Variants in MCTP1 observed in about 807,000 individuals in gnomAD.
The protein encoded by MCTP1 is multiple C2 and transmembrane domain-containing protein 1.
Under a neutral mutation model 120.6 loss-of-function variants are expected in MCTP1, and 69 were observed. The ratio of observed to expected loss-of-function variants is 0.57; its 90% CI spans 0.47 to 0.70. The LOEUF is 0.70. Among genes scored for constraint, MCTP1 ranks in the 30% least tolerant of loss-of-function variants. The probability of loss-of-function intolerance (pLI) is 0.00; values close to 1 mark genes in which losing one functional copy is unlikely to be tolerated. For synonymous variants in MCTP1, 529 were observed against 493.1 expected, an observed-to-expected ratio of 1.07 and a Z score of -0.96; for missense variants, 1,203 against 1,248.8, an observed-to-expected ratio of 0.96 and a Z score of 0.55.
intron 10 of MCTP1, among the ~76,000 whole-genome samples, chr5:94,899,967 T>C (rs1330037332): frequency 6.6e-6 from 1 of 152,206 alleles, no homozygotes; most frequent in Non-Finnish European, 1.5e-5. Context: ...AAACCATTGC[T>C]ACAGTCCAAC....
At chr5:94,913,043 C>T in intron 8 of MCTP1, 67 bp from the exon 9 acceptor site, 1 of 1,189,446 alleles carries the variant, frequency 8.4e-7, no homozygotes, top group Non-Finnish European at 1.2e-6. Context: ...TTTGGCGTTA[C>T]CTTTTCTCCT....
At chr5:94,829,361 T>G (rs1787998472) in intron 17 of MCTP1, among the ~76,000 whole-genome samples, 1 of 152,294 alleles carries the variant, frequency 6.6e-6, no homozygotes, top group East Asian at 1.9e-4. Context: ...AGAAATCACC[T>G]GCCTTCTGCG....
At chr5:94,746,577 A>G (rs1447578016) in intron 19 of MCTP1, among the ~76,000 whole-genome samples, 4 of 152,256 alleles carry the variant, frequency 2.6e-5, no homozygotes, top group Admixed American at 6.5e-5. Flanking sequence ...AAAGGGGAAT[A>G]AGAACAAATA....
At chr5:95,072,670 A>C (rs1006799443) in intron 1 of MCTP1, among the ~76,000 whole-genome samples, 1 of 152,052 alleles carries the variant, frequency 6.6e-6, no homozygotes, top group Admixed American at 6.6e-5. Flanking sequence ...TCTCAAAGTC[A>C]CAATATATGT....
intron 1 of MCTP1, among the ~76,000 whole-genome samples, chr5:95,220,935 C>A (rs931501574): frequency 2.0e-5 from 3 of 152,096 alleles, no homozygotes; most frequent in African/African-American, 7.2e-5. Flanking sequence ...ACAGATGGTA[C>A]TAAATTGAGA....
intron 2 of MCTP1, among the ~76,000 whole-genome samples, chr5:94,970,166 G>GAGT (rs1409592423): frequency 2.0e-5 from 3 of 151,920 alleles, no homozygotes; most frequent in Non-Finnish European, 4.4e-5. Context: ...ATTTCCTGAA[G>GAGT]AGTAGTAGAA....
At position 95,020,088 on chromosome 5, in the gene MCTP1, C is replaced by G. The variant is rs969241476; in HGVS notation, c.721-2604G>C. Among the ~76,000 whole-genome samples the G allele has an allele frequency of 2.6e-5, 4 of 152,002 alleles. No homozygotes were observed. The East Asian group carries it at 7.7e-4, about 29-fold the overall frequency. ...TACTTCGTAAAAAATGGAATAAAAT[C>G]TGCAGGAAAAGGAGAATTTTCTACA... is the stretch of plus-strand genomic sequence containing the variant. On this transcript the variant is annotated intron_variant, in intron 1 of 22. Transcript: ENST00000515393.
At chr5:95,256,577 T>C (rs1044045053) in intron 1 of MCTP1, among the ~76,000 whole-genome samples, 3 of 152,228 alleles carry the variant, frequency 2.0e-5, no homozygotes, top group African/African-American at 7.2e-5. Context: ...TGCCAAACCC[T>C]GGGTTGCCTA....
At chr5:94,709,220 G>T (rs1184693608) in intron 21 of MCTP1, 7 of 152,078 alleles carry the variant, frequency 4.6e-5, no homozygotes, top group Non-Finnish European at 7.4e-5. Context: ...CCTCTTCAGG[G>T]AGTTCATGCA....
intron 1 of MCTP1, among the ~76,000 whole-genome samples, chr5:95,142,355 G>A (rs1414741088): frequency 2.6e-5 from 4 of 152,090 alleles, no homozygotes; most frequent in Non-Finnish European, 4.4e-5. Flanking sequence ...AAAGCTAACA[G>A]GAAACTTTTT....
intron 1 of MCTP1, among the ~76,000 whole-genome samples, chr5:95,053,217 G>A (rs932270237): frequency 2.6e-5 from 4 of 152,146 alleles, no homozygotes; most frequent in Non-Finnish European, 4.4e-5. Flanking sequence ...TGAAGCATGA[G>A]CTCTTTTCAT....
At chr5:95,106,891 C>G (rs2152381845) in intron 1 of MCTP1, among the ~76,000 whole-genome samples, 1 of 152,222 alleles carries the variant, frequency 6.6e-6, no homozygotes, top group South Asian at 2.1e-4. Context: ...GCTTAGAGAA[C>G]ATAAAACTGG....
intron 1 of MCTP1, among the ~76,000 whole-genome samples, chr5:95,241,254 T>C (rs1241077131): frequency 6.6e-6 from 1 of 152,188 alleles, no homozygotes; most frequent in Non-Finnish European, 1.5e-5. Flanking sequence ...ATCCAAAACA[T>C]TGACATCAGT....
chr5:94,751,413 A>G (rs1328107294), intron 19 of MCTP1, among the ~76,000 whole-genome samples: 2 of 151,280 alleles, frequency 1.3e-5, no homozygotes, highest in African/African-American at 4.9e-5. Flanking sequence ...GGGTGGAGAC[A>G]GGGGGTGAGG....
intron 1 of MCTP1, among the ~76,000 whole-genome samples, chr5:95,251,094 C>T (rs116601384): frequency 6.6e-6 from 1 of 152,126 alleles, no homozygotes; most frequent in African/African-American, 2.4e-5. Flanking sequence ...ACGAGAATTT[C>T]GGACAGAGAC....
chr5:94,975,246 C>A (rs1358682788), intron 2 of MCTP1, among the ~76,000 whole-genome samples: 5 of 152,002 alleles, frequency 3.3e-5, no homozygotes, highest in Non-Finnish European at 1.5e-5. Flanking sequence ...CAACTCCCTG[C>A]CAAATTCGTA....
intron 8 of MCTP1, among the ~76,000 whole-genome samples, 159 bp from the exon 9 acceptor site, chr5:94,913,135 AAATT>A (rs1167107199): frequency 6.6e-6 from 1 of 151,908 alleles, no homozygotes; most frequent in Non-Finnish European, 1.5e-5. Context: ...ATTAATTATA[AAATT>A]AATAAATTAT....
chr5:94,802,742 A>T (rs1438183596), intron 17 of MCTP1, among the ~76,000 whole-genome samples: 2 of 152,234 alleles, frequency 1.3e-5, no homozygotes, highest in African/African-American at 4.8e-5. Flanking sequence ...GGATGGAAAA[A>T]GAAATCAAGA....
chr5:94,782,124 A>G (rs77603917), intron 18 of MCTP1, among the ~76,000 whole-genome samples: 2,605 of 152,270 alleles, frequency 0.017, 33 homozygotes, highest in Middle Eastern at 0.034. Flanking sequence ...GGATCCAATG[A>G]GATAATGCAT....
Sources: gnomAD v4.1 joint callset for allele counts (sites outside exome capture counted in the v4.1 genomes callset) on GRCh38, gnomAD v4.1.1 for gene constraint, MANE v1.5 for transcripts, NCBI Gene and HGNC (gene_info 2026-07-23, HGNC 2026-07-21) for gene names.